ROBO2: variants seen among roughly 807,000 people sequenced by gnomAD.
ROBO2 encodes roundabout guidance receptor 2.
Under a neutral mutation model 160.8 loss-of-function variants are expected in ROBO2, and 53 were observed. The ratio of observed to expected loss-of-function variants is 0.33; its 90% CI spans 0.26 to 0.41. The LOEUF (loss-of-function observed/expected upper bound fraction) is 0.41. Ranked by LOEUF, ROBO2 falls within the 10% of genes least tolerant of loss-of-function variation. ROBO2 has a pLI of 1.00. For missense variants in ROBO2, 1,577 were observed against 1,722.4 expected (o/e 0.92, Z 1.49); for synonymous variants, 664 against 611.7 (o/e 1.09, Z -1.26).
chr3:76,744,527 T>C (rs1179784582), intron 2 of ROBO2, among the ~76,000 whole-genome samples: 2 of 149,914 alleles, frequency 1.3e-5, no homozygotes, highest in African/African-American at 5.1e-5. Context: ...GACCGGCTAA[T>C]TTTTTTCAAT....
chr3:76,761,545 G>T (rs1286938326), intron 2 of ROBO2, among the ~76,000 whole-genome samples: 1 of 151,648 alleles, frequency 6.6e-6, no homozygotes, highest in African/African-American at 2.4e-5. Flanking sequence ...TGTAAAATAA[G>T]AATTTTTGTT....
chr3:76,069,538 T>C (rs1406726026), intron 2 of ROBO2, among the ~76,000 whole-genome samples: 1 of 151,086 alleles, frequency 6.6e-6, no homozygotes, highest in Non-Finnish European at 1.5e-5. Flanking sequence ...TTTTTTTTTT[T>C]CCTGAAAGAA....
chr3:76,243,922 T>A (rs1436456718), intron 2 of ROBO2, among the ~76,000 whole-genome samples: 2 of 151,684 alleles, frequency 1.3e-5, no homozygotes, highest in African/African-American at 4.8e-5. Flanking sequence ...CAATGTAAGT[T>A]TTTTTCTTTT....
At chr3:76,156,479 A>G (rs2072414894) in intron 2 of ROBO2, among the ~76,000 whole-genome samples, 2 of 152,340 alleles carry the variant, frequency 1.3e-5, no homozygotes, top group African/African-American at 4.8e-5. Context: ...ATTTATAAAT[A>G]TAAATCAGTT....
At chr3:77,611,890 C>T (rs542985104) in intron 21 of ROBO2, among the ~76,000 whole-genome samples, 11 of 151,772 alleles carry the variant, frequency 7.2e-5, no homozygotes, top group Admixed American at 3.9e-4. Flanking sequence ...TTATTATACT[C>T]ATATGATTCC....
At chr3:77,079,478 T>C (rs1403840793) in intron 1 of ROBO2, among the ~76,000 whole-genome samples, 1 of 152,132 alleles carries the variant, frequency 6.6e-6, no homozygotes, top group Admixed American at 6.5e-5. Flanking sequence ...AATAAGTGAA[T>C]ATTTCTATTT....
chr3:76,355,097 GCT>G (rs1559812148), intron 2 of ROBO2, among the ~76,000 whole-genome samples: 1 of 151,014 alleles, frequency 6.6e-6, no homozygotes, highest in East Asian at 1.9e-4. Flanking sequence ...TGCAAGTGAT[GCT>G]ATTATATTCA....
chr3:77,341,931 G>T (rs1198976628), intron 2 of ROBO2, among the ~76,000 whole-genome samples: 1 of 152,008 alleles, frequency 6.6e-6, no homozygotes, highest in African/African-American at 2.4e-5. Context: ...GAGAAAGAAA[G>T]AAATAAAAGA....
At chr3:76,090,998 C>G (rs569952357) in intron 2 of ROBO2, among the ~76,000 whole-genome samples, 2 of 152,272 alleles carry the variant, frequency 1.3e-5, no homozygotes, top group East Asian at 3.9e-4. Context: ...AACTACGAAG[C>G]TCCTAGAAGA....
intron 2 of ROBO2, among the ~76,000 whole-genome samples, chr3:76,308,376 CAA>C (rs71277580): frequency 7.0e-5 from 6 of 85,588 alleles, no homozygotes; most frequent in East Asian, 3.5e-4. Flanking sequence ...GACTCTGTCT[CAA>C]AAAAAAAAAA....
chr3:76,602,825 T>C (rs938703150), intron 2 of ROBO2, among the ~76,000 whole-genome samples: 10 of 152,164 alleles, frequency 6.6e-5, no homozygotes, highest in Admixed American at 5.2e-4. Context: ...CAATTCAAGA[T>C]GAGATTTGGG....
chr3:76,469,846 C>G (rs1310418936), intron 2 of ROBO2, among the ~76,000 whole-genome samples: 1 of 152,150 alleles, frequency 6.6e-6, no homozygotes, highest in Non-Finnish European at 1.5e-5. Flanking sequence ...TGTCTTCTCT[C>G]ACTACACTGT....
intron 2 of ROBO2, among the ~76,000 whole-genome samples, chr3:77,273,835 G>A (rs969497877): frequency 1.8e-4 from 27 of 152,098 alleles, no homozygotes; most frequent in African/African-American, 6.3e-4. Flanking sequence ...GTGTGGTGAC[G>A]ATGGTCTGCA....
rs1257103325 is a variant in ROBO2, at chr3:76,567,640, T to C, written c.110-530374T>C. ...CTACTGATATATATATATATATATATATATATATATATACACATACACATA... is the reference window on the plus strand; with the variant it reads ...CTACTGATATATATATATATATATACATATATATATATACACATACACATA... On this transcript the variant is annotated intron_variant, in intron 2 of 26. Coordinates refer to the ROBO2 transcript ENST00000487694. Among the ~76,000 whole-genome samples, 520 of 93,338 alleles carry C rather than the reference T, an allele frequency of 5.6e-3. 29 individuals carry two copies. The highest frequency in any genetic ancestry group is 7.5e-3 in the Admixed American group (64 of 8,528). 61.2% of individuals were successfully genotyped at this position (93,338 alleles called of 152,430 possible).
At chr3:77,478,937 C>G (rs1344102105) in intron 3 of ROBO2, among the ~76,000 whole-genome samples, 1 of 152,014 alleles carries the variant, frequency 6.6e-6, no homozygotes, top group Non-Finnish European at 1.5e-5. Flanking sequence ...TGGCAATAGA[C>G]AGTTTAATGG....
intron 2 of ROBO2, among the ~76,000 whole-genome samples, chr3:76,005,529 T>C (rs1176560944): frequency 6.6e-6 from 1 of 152,188 alleles, no homozygotes; most frequent in African/African-American, 2.4e-5. Context: ...CAATAAACCA[T>C]AACAAAATAA....
chr3:76,685,824 T>C (rs1223757914), intron 2 of ROBO2, among the ~76,000 whole-genome samples: 5 of 152,148 alleles, frequency 3.3e-5, no homozygotes, highest in African/African-American at 1.2e-4. Flanking sequence ...CAATGAATAA[T>C]AATGGAGGTA....
At chr3:77,565,229 TG>T in intron 12 of ROBO2, 109 bp downstream of exon 13, 1 of 1,219,646 alleles carries the variant, frequency 8.2e-7, no homozygotes. Flanking sequence ...CTTTGTATGA[TG>T]GCTCACTAGG....
intron 2 of ROBO2, among the ~76,000 whole-genome samples, chr3:76,016,191 T>C (rs1261365304): frequency 2.1e-5 from 3 of 141,574 alleles, no homozygotes; most frequent in African/African-American, 8.0e-5. Context: ...TGTTAGTCTG[T>C]GATAGAACCA....
Sources: gnomAD v4.1 joint callset for allele counts (sites outside exome capture counted in the v4.1 genomes callset) on GRCh38, gnomAD v4.1.1 for gene constraint, MANE v1.5 for transcripts, NCBI Gene and HGNC (gene_info 2026-07-23, HGNC 2026-07-21) for gene names.